SMC5: variants seen among roughly 807,000 people sequenced by gnomAD.
The protein encoded by SMC5 is structural maintenance of chromosomes protein 5.
Under a neutral mutation model 148.3 loss-of-function variants are expected in SMC5, and 88 were observed. The ratio of observed to expected loss-of-function variants is 0.59; its 90% CI spans 0.50 to 0.71. SMC5 has a LOEUF of 0.71. SMC5 is among the 30% of genes least tolerant of loss of function. The pLI is 0.00. For missense variants in SMC5, 1,142 were observed against 1,298.9 expected, an observed-to-expected ratio of 0.88 and a Z score of 1.86; for synonymous variants, 421 against 432.8, an observed-to-expected ratio of 0.97 and a Z score of 0.34.
intron 9 of SMC5, 143 bp from the exon 10 acceptor site, chr9:70,299,903 C>A: frequency 1.8e-6 from 1 of 556,160 alleles, no homozygotes; most frequent in Non-Finnish European, 2.9e-6. Flanking sequence ...TTGTTCAGGT[C>A]ACATATTTTC....
intron 23 of SMC5, 24 bp downstream of exon 23, chr9:70,350,317 G>A (rs1440603839): frequency 6.2e-7 from 1 of 1,610,788 alleles, no homozygotes; most frequent in African/African-American, 1.3e-5. Context: ...TCTGTTACTT[G>A]GATCTTCTTA....
rs988977694 is a variant in SMC5 at position 70,262,935 on chromosome 9, G to A, written c.186-1369G>A. Reference sequence around the variant, plus strand: ...ACTTGATCTGGGTAGCTAAAGGCAAGAAAAATCCCCCGCCTACCCCCGCCA... The same window carrying A: ...ACTTGATCTGGGTAGCTAAAGGCAAAAAAAATCCCCCGCCTACCCCCGCCA... On this transcript the variant is annotated intron_variant, in intron 1 of 24. Coordinates refer to ENST00000361138, the MANE Select transcript of SMC5 (RefSeq NM_015110.4). 2.2e-3 allele frequency among the ~76,000 whole-genome samples: 325 copies of A among 149,094 alleles called. 2 individuals are homozygous for A. The East Asian group carries it at 0.027, about 13-fold the overall frequency.
intron 20 of SMC5, 84 bp downstream of exon 20, chr9:70,347,245 C>T (rs898592898): frequency 3.7e-6 from 4 of 1,080,902 alleles, no homozygotes; most frequent in Non-Finnish European, 4.1e-6. Context: ...ACAGAGTTCC[C>T]TCCAGTACTT....
chr9:70,302,176 A>G (rs2035376353), intron 10 of SMC5, among the ~76,000 whole-genome samples: 1 of 152,146 alleles, frequency 6.6e-6, no homozygotes, highest in African/African-American at 2.4e-5. Context: ...GTTCAAGACC[A>G]GCCTGGCTAA....
Position 70,283,331 on chromosome 9 carries a change from T to C in SMC5, c.981+748T>C, listed in dbSNP as rs185319337. Among the ~76,000 whole-genome samples, 247 of 152,036 alleles carry C rather than the reference T, an allele frequency of 1.6e-3. 1 individual carries two copies. The highest frequency in any genetic ancestry group is 6.2e-3 in the Admixed American group (94 of 15,256). ...ACACAAAAAACTTAGCCAGGCATGG[T>C]GGTGTGTGCCTATAGGTCCCTGCTA... On this transcript the variant is annotated intron_variant, in intron 7 of 24. Transcript: ENST00000361138.
chr9:70,344,942 A>G (rs1312153907), intron 18 of SMC5, among the ~76,000 whole-genome samples: 2 of 152,172 alleles, frequency 1.3e-5, no homozygotes, highest in African/African-American at 2.4e-5. Context: ...TGAAATGGCT[A>G]CTAAAGATAT....
chr9:70,319,768 G>C (rs192662562), intron 15 of SMC5, among the ~76,000 whole-genome samples: 1 of 152,208 alleles, frequency 6.6e-6, no homozygotes, highest in East Asian at 1.9e-4. Context: ...AGCATGCATT[G>C]GTCATTGGGA....
chr9:70,282,524 T>C lies in SMC5; in HGVS notation c.922T>C (p.Cys308Arg), dbSNP rs1180117. 0.21 allele frequency: 332,763 copies of C among 1,596,362 alleles called. 36,098 individuals are homozygous for C. The highest frequency in any genetic ancestry group is 0.31 in the East Asian group (13,480 of 43,722). ...KLKEGQIPVT[C>R]RIEEMENERH... ...TAAAGAAGGGCAGATTCCTGTAACA[T>C]GTCGAATTGAAGAAATGGAAAACGA... is the stretch of plus-strand genomic sequence containing the variant. Residue 308 changes from cysteine (C) to arginine (R), a missense_variant, in exon 7 of 25, where the codon TGT becomes CGT. By Grantham distance (180) the Cys-to-Arg change is radical (BLOSUM62 -3). Transcript: ENST00000361138.
intron 8 of SMC5, among the ~76,000 whole-genome samples, chr9:70,287,775 T>G (rs1199970418): frequency 6.6e-6 from 1 of 152,208 alleles, no homozygotes; most frequent in East Asian, 1.9e-4. Context: ...ATATGAATAA[T>G]TGCATTCTAT....
At chr9:70,341,094 T>C (rs1013051787) in intron 17 of SMC5, among the ~76,000 whole-genome samples, 1 of 152,188 alleles carries the variant, frequency 6.6e-6, no homozygotes. Context: ...TTATCTGATA[T>C]AATTATATAT....
chr9:70,297,483 A>T (rs2035232774), intron 8 of SMC5, among the ~76,000 whole-genome samples: 1 of 152,234 alleles, frequency 6.6e-6, no homozygotes, highest in African/African-American at 2.4e-5. Flanking sequence ...TCATGTCAGC[A>T]CTAAAAAAAT....
intron 24 of SMC5, among the ~76,000 whole-genome samples, chr9:70,351,319 A>C (rs1283775501): frequency 6.6e-6 from 1 of 151,804 alleles, no homozygotes; most frequent in African/African-American, 2.4e-5. Flanking sequence ...ACACCACTGC[A>C]CTGCAGCCTG....
intron 7 of SMC5, 133 bp downstream of exon 7, chr9:70,282,716 T>G (rs1030756935): frequency 6.9e-6 from 6 of 866,994 alleles, no homozygotes; most frequent in Non-Finnish European, 1.0e-5. Flanking sequence ...AACCAGGAAT[T>G]CTGCCACCAT....
At chr9:70,277,722 T>C (rs943264206) in intron 4 of SMC5, among the ~76,000 whole-genome samples, 7 of 152,004 alleles carry the variant, frequency 4.6e-5, no homozygotes, top group African/African-American at 1.4e-4. Flanking sequence ...GTTCAGAGAG[T>C]GGCTCAGATA....
At chr9:70,312,791 T>C (rs2035693782) in intron 11 of SMC5, among the ~76,000 whole-genome samples, 2 of 152,342 alleles carry the variant, frequency 1.3e-5, no homozygotes, top group South Asian at 4.1e-4. Context: ...CGCTTGGTCA[T>C]GTATACTGTT....
At chr9:70,270,283 G>C (rs2034409009) in intron 3 of SMC5, among the ~76,000 whole-genome samples, 1 of 152,196 alleles carries the variant, frequency 6.6e-6, no homozygotes, top group Non-Finnish European at 1.5e-5. Context: ...GCAAAATACA[G>C]GGCGAGGTCT....
At chr9:70,303,412 C>T (rs755497297) in intron 10 of SMC5, among the ~76,000 whole-genome samples, 1 of 152,044 alleles carries the variant, frequency 6.6e-6, no homozygotes, top group Admixed American at 6.6e-5. Context: ...TTATTTGTAT[C>T]ATTTCTTCCA....
intron 11 of SMC5, among the ~76,000 whole-genome samples, chr9:70,309,231 C>T (rs1404970118): frequency 6.6e-6 from 1 of 150,578 alleles, no homozygotes; most frequent in Non-Finnish European, 1.5e-5. Flanking sequence ...TAAAATTTAC[C>T]ACATTGATCA....
rs530353241 is a variant in SMC5 at position 70,352,631 on chromosome 9, A to C, written c.*300A>C. ...TACAAATCAAAGGTACAGTGGAAGA[A>C]GGGTTAATCACAAGAAGTTACTTAT... On this transcript the variant is annotated 3_prime_UTR_variant, in exon 25 of 25. Transcript: ENST00000361138. 1 of 232,992 alleles carries C rather than the reference A, an allele frequency of 4.3e-6. No individual in the cohort carries two copies. The highest frequency in any genetic ancestry group is 5.0e-5 in the Admixed American group (1 of 19,972). The allele number at this position is 232,992 out of a possible 1,614,324, so 14.4% of individuals were successfully genotyped here.
Sources: gnomAD v4.1 joint callset for allele counts (sites outside exome capture counted in the v4.1 genomes callset) on GRCh38, gnomAD v4.1.1 for gene constraint, MANE v1.5 for transcripts, NCBI Gene and HGNC (gene_info 2026-07-23, HGNC 2026-07-21) for gene names.